The following PLD5 variants were observed in gnomAD, a reference collection of about 807,000 sequenced individuals.
PLD5 encodes phospholipase D family member 5.
A neutral mutation model predicts 61.1 loss-of-function variants in PLD5; 36 were observed. The ratio of observed to expected loss-of-function variants is 0.59; its 90% CI spans 0.45 to 0.78. The LOEUF (loss-of-function observed/expected upper bound fraction) is 0.78. Ranked by LOEUF, PLD5 falls within the 30% of genes least tolerant of loss-of-function variation. The pLI is 0.00. For missense variants in PLD5, 515 were observed against 644.4 expected (o/e 0.80, Z 2.17); for synonymous variants, 243 against 242.8 (o/e 1.00, Z -0.01).
intron 1 of PLD5, among the ~76,000 whole-genome samples, chr1:242,435,391 C>G (rs946235125): frequency 1.3e-5 from 2 of 149,450 alleles, no homozygotes; most frequent in African/African-American, 5.1e-5. Context: ...AACCACAAGG[C>G]CTTAGCATCT....
intron 4 of PLD5, among the ~76,000 whole-genome samples, chr1:242,228,502 T>A (rs1002385208): frequency 6.6e-6 from 1 of 152,188 alleles, no homozygotes; most frequent in African/African-American, 2.4e-5. Flanking sequence ...GCCATCCAAA[T>A]TTCTTCTTTT....
At chr1:242,128,560 C>T (rs1424154431) in intron 5 of PLD5, among the ~76,000 whole-genome samples, 3 of 152,140 alleles carry the variant, frequency 2.0e-5, no homozygotes, top group African/African-American at 7.2e-5. Context: ...GAAAATCAAG[C>T]AAACAAAAAC....
intron 1 of PLD5, among the ~76,000 whole-genome samples, chr1:242,510,074 A>G (rs1183336644): frequency 6.6e-6 from 1 of 152,170 alleles, no homozygotes; most frequent in East Asian, 1.9e-4. Context: ...ATGTTTTATT[A>G]GTATGAATGA....
intron 5 of PLD5, among the ~76,000 whole-genome samples, chr1:242,131,289 A>C (rs1231195284): frequency 6.6e-6 from 1 of 152,128 alleles, no homozygotes; most frequent in Non-Finnish European, 1.5e-5. Flanking sequence ...CTGGCAACAG[A>C]GTGAGACTCT....
At chr1:242,365,981 G>A (rs1374178403) in intron 1 of PLD5, among the ~76,000 whole-genome samples, 4 of 152,152 alleles carry the variant, frequency 2.6e-5, no homozygotes. Flanking sequence ...CCAGGTTTAG[G>A]TGGCATCATT....
chr1:242,294,410 A>G (rs1201589024), intron 2 of PLD5, among the ~76,000 whole-genome samples: 1 of 152,210 alleles, frequency 6.6e-6, no homozygotes, highest in Admixed American at 6.5e-5. Flanking sequence ...TACCTTCTCA[A>G]AGAACTATTT....
chr1:242,236,237 A>G (rs1320736198), intron 4 of PLD5, among the ~76,000 whole-genome samples: 1 of 152,184 alleles, frequency 6.6e-6, no homozygotes, highest in Non-Finnish European at 1.5e-5. Flanking sequence ...ACTGTGAGAT[A>G]TATATTTCTA....
intron 1 of PLD5, among the ~76,000 whole-genome samples, chr1:242,411,211 G>A (rs1258714195): frequency 6.7e-6 from 1 of 149,220 alleles, no homozygotes; most frequent in Non-Finnish European, 1.5e-5. Context: ...GAGAAGGATT[G>A]CCCAACCTGT....
intron 5 of PLD5, among the ~76,000 whole-genome samples, chr1:242,197,345 G>A (rs191492989): frequency 2.2e-3 from 331 of 152,186 alleles, no homozygotes; most frequent in Non-Finnish European, 2.7e-3. Context: ...CCTTTCAAAG[G>A]TTTTCCATGA....
intron 1 of PLD5, among the ~76,000 whole-genome samples, chr1:242,438,264 ATT>A (rs1237412199): frequency 1.2e-4 from 17 of 138,708 alleles, no homozygotes; most frequent in Non-Finnish European, 1.4e-4. Flanking sequence ...AGAAAAAAAA[ATT>A]TTTTTTTTTT....
intron 2 of PLD5, among the ~76,000 whole-genome samples, chr1:242,341,139 C>A (rs1317153843): frequency 6.6e-6 from 1 of 151,746 alleles, no homozygotes; most frequent in Non-Finnish European, 1.5e-5. Context: ...TTAGAGATAC[C>A]TGCAATAGTG....
chr1:242,243,452 T>C (rs1302960090), intron 4 of PLD5, among the ~76,000 whole-genome samples: 2 of 152,328 alleles, frequency 1.3e-5, no homozygotes, highest in East Asian at 3.9e-4. Flanking sequence ...AAGAAAGATC[T>C]GTACATAATT....
chr1:242,366,257 T>C (rs1661334066), intron 1 of PLD5, among the ~76,000 whole-genome samples: 2 of 152,214 alleles, frequency 1.3e-5, no homozygotes, highest in Admixed American at 6.5e-5. Context: ...TCTGCAAAGA[T>C]CATGACCTCA....
intron 4 of PLD5, among the ~76,000 whole-genome samples, chr1:242,255,930 G>T (rs316916): frequency 0.13 from 19,431 of 152,244 alleles, 1,457 homozygotes; most frequent in Non-Finnish European, 0.17. Flanking sequence ...ATTTAGTCAC[G>T]AGTAAAGGCC....
At chr1:242,443,151 G>A (rs1251434853) in intron 1 of PLD5, among the ~76,000 whole-genome samples, 4 of 152,134 alleles carry the variant, frequency 2.6e-5, no homozygotes, top group Non-Finnish European at 5.9e-5. Context: ...AGTATATACA[G>A]ATGTGATTCC....
At chr1:242,244,642 G>T (rs182453611) in intron 4 of PLD5, among the ~76,000 whole-genome samples, 3 of 152,320 alleles carry the variant, frequency 2.0e-5, no homozygotes, top group Admixed American at 2.0e-4. Context: ...TAAGGTGTTG[G>T]AAGAGAGTGT....
chr1:242,299,296 CTT>C (rs1022810535), intron 2 of PLD5, among the ~76,000 whole-genome samples: 1 of 152,132 alleles, frequency 6.6e-6, no homozygotes, highest in Non-Finnish European at 1.5e-5. Flanking sequence ...CAGTTACACT[CTT>C]TAAGTAATTA....
intron 1 of PLD5, among the ~76,000 whole-genome samples, chr1:242,508,918 T>C (rs558304898): frequency 6.6e-6 from 1 of 152,118 alleles, no homozygotes; most frequent in East Asian, 1.9e-4. Flanking sequence ...CCATCTCTAC[T>C]AAAAACACAA....
rs1370889197 is a variant in PLD5, at chr1:242,513,216, A to C, written c.189+10872T>G. ...TTTTGTCGCATATGACATCTGTAGC[A>C]TTCATCTGGCAGGTAGCATATGCCG... On this transcript the variant is annotated intron_variant, in intron 1 of 9. Coordinates refer to ENST00000536534, the MANE Select transcript of PLD5 (RefSeq NM_001372062.1). Among the ~76,000 whole-genome samples the C allele has an allele frequency of 2.6e-5, 4 of 152,248 alleles. No homozygotes were observed. The South Asian group carries it at 6.2e-4, about 24-fold the overall frequency.
Sources: allele counts gnomAD v4.1 joint callset (sites outside exome capture counted in the v4.1 genomes callset), GRCh38; gene constraint gnomAD v4.1.1; transcripts MANE v1.5; gene names NCBI Gene and HGNC (gene_info 2026-07-23, HGNC 2026-07-21).